Variants in NEBL observed in about 807,000 individuals in gnomAD.
The protein encoded by NEBL is nebulette.
In NEBL, 122 loss-of-function variants were observed where a neutral mutation model predicts 140.2. That is an observed-to-expected ratio of 0.87 (90% CI 0.75 to 1.01). NEBL has a LOEUF of 1.01. Ranked by LOEUF, NEBL falls within the 50% of genes least tolerant of loss-of-function variation. NEBL has a pLI of 0.00. For synonymous variants in NEBL, 436 were observed against 398.9 expected, an observed-to-expected ratio of 1.09 and a Z score of -1.11; for missense variants, 1,365 against 1,231.3, an observed-to-expected ratio of 1.11 and a Z score of -1.62.
intron 4 of NEBL, among the ~76,000 whole-genome samples, chr10:20,959,167 A>G (rs1835939077): frequency 6.6e-6 from 1 of 152,190 alleles, no homozygotes; most frequent in African/African-American, 2.4e-5. Flanking sequence ...AATGAAACAC[A>G]GGGAAACATA....
At chr10:20,803,812 A>ATATAT (rs1564338203) in intron 26 of NEBL, among the ~76,000 whole-genome samples, 18 of 143,582 alleles carry the variant, frequency 1.3e-4, no homozygotes, top group African/African-American at 4.5e-4. Context: ...CTGTACGAAA[A>ATATAT]ATATATATAT....
intron 4 of NEBL, among the ~76,000 whole-genome samples, chr10:20,924,142 G>T (rs1205439713): frequency 6.6e-6 from 1 of 152,028 alleles, no homozygotes; most frequent in African/African-American, 2.4e-5. Flanking sequence ...GCTCCCAGGA[G>T]ACATTCAGCA....
chr10:20,819,941 T>G lies in NEBL; in HGVS notation c.1963-425A>C, dbSNP rs74229939. Among the ~76,000 whole-genome samples the G allele has an allele frequency of 3.5e-4, 54 of 152,256 alleles. No homozygotes were observed. In the East Asian group the frequency reaches 0.01, roughly 28 times the overall value. ...TTTGTTGTTTTCCTTCAGATTATAT[T>G]ATTTATTGGTGGCCTCTCTGAGTTT... On this transcript the variant is annotated intron_variant, in intron 19 of 27. Coordinates refer to ENST00000377122, the MANE Select transcript of NEBL (RefSeq NM_006393.3).
chr10:20,960,885 C>T (rs1417768958), intron 4 of NEBL, among the ~76,000 whole-genome samples: 1 of 152,028 alleles, frequency 6.6e-6, no homozygotes, highest in Admixed American at 6.6e-5. Context: ...ATACAGTTCT[C>T]GTGAAAAATG....
At chr10:21,174,142 C>T (rs897292665) in exon 1 of NEBL, 4 of 621,714 alleles carry the variant, frequency 6.4e-6, no homozygotes, top group African/African-American at 2.0e-5. Flanking sequence ...CGCGCCCGCC[C>T]CTCGCGCTCA....
chr10:20,828,783 G>C (rs546081497), intron 16 of NEBL, 149 bp from the exon 17 acceptor site: 1 of 620,774 alleles, frequency 1.6e-6, no homozygotes, highest in African/African-American at 1.8e-5. Flanking sequence ...GAGAGAGAGA[G>C]GTGGAGAGAC....
At chr10:20,885,343 T>C (rs10764288) in intron 4 of NEBL, among the ~76,000 whole-genome samples, 91,094 of 152,108 alleles carry the variant, frequency 0.6, 27,679 homozygotes, top group Non-Finnish European at 0.64. Context: ...GACAGTTACA[T>C]AAATCTTTGA....
At chr10:21,109,276 G>C (rs1225441823) in intron 2 of NEBL, among the ~76,000 whole-genome samples, 2 of 152,118 alleles carry the variant, frequency 1.3e-5, no homozygotes, top group African/African-American at 2.4e-5. Flanking sequence ...TTTGTCATTG[G>C]TTCTGTTTAT....
chr10:21,074,225 G>C (rs1185288435), intron 2 of NEBL, among the ~76,000 whole-genome samples: 1 of 152,146 alleles, frequency 6.6e-6, no homozygotes, highest in Non-Finnish European at 1.5e-5. Flanking sequence ...ATGTGCCTCA[G>C]CATGAACTTC....
chr10:21,291,584 G>A (rs531840092), intron 1 of NEBL, among the ~76,000 whole-genome samples: 12 of 151,606 alleles, frequency 7.9e-5, no homozygotes, highest in African/African-American at 2.4e-4. Flanking sequence ...CACTGGGCTT[G>A]ACACCAAAAT....
At chr10:21,026,507 C>T (rs1215645472) in intron 2 of NEBL, among the ~76,000 whole-genome samples, 1 of 152,202 alleles carries the variant, frequency 6.6e-6, no homozygotes, top group African/African-American at 2.4e-5. Context: ...AATCAAACAG[C>T]CACCATGGCC....
At chr10:21,025,212 C>T (rs544673207) in intron 2 of NEBL, among the ~76,000 whole-genome samples, 2 of 151,352 alleles carry the variant, frequency 1.3e-5, no homozygotes, top group South Asian at 4.2e-4. Context: ...GAAAACAAAA[C>T]ATAATTGTGG....
intron 3 of NEBL, among the ~76,000 whole-genome samples, chr10:21,202,082 T>C (rs1198071009): frequency 6.6e-6 from 1 of 152,134 alleles, no homozygotes; most frequent in Non-Finnish European, 1.5e-5. Flanking sequence ...CACCAGGTAA[T>C]CCACAATGCT....
intron 9 of NEBL, among the ~76,000 whole-genome samples, chr10:20,856,917 C>T (rs976736094): frequency 2.0e-5 from 3 of 152,102 alleles, no homozygotes; most frequent in Non-Finnish European, 4.4e-5. Context: ...TCACAGCAAC[C>T]TCCCAAGTTT....
Position 21,215,946 on chromosome 10 carries a change from T to C in NEBL, n.348+31975A>G, listed in dbSNP as rs180868230. Among the ~76,000 whole-genome samples, 11 of 152,288 alleles carry C rather than the reference T, an allele frequency of 7.2e-5. 1 individual carries two copies. The highest frequency in any genetic ancestry group is 7.2e-4 in the Admixed American group (11 of 15,292). ...TCAGCCTCCCAAAGTGCTGGAATTA[T>C]AGGCGTGAGCCACCGCACCTGCCCT... On this transcript the variant is annotated intron_variant and non_coding_transcript_variant, in intron 3 of 8. Transcript: ENST00000675702.
intron 4 of NEBL, among the ~76,000 whole-genome samples, chr10:20,884,558 T>C (rs1435432123): frequency 6.6e-6 from 1 of 152,270 alleles, no homozygotes; most frequent in Non-Finnish European, 1.5e-5. Context: ...TTCTACTTGA[T>C]GGTTATTTAT....
chr10:20,847,488 A>G (rs1842057713), intron 11 of NEBL, among the ~76,000 whole-genome samples: 1 of 152,222 alleles, frequency 6.6e-6, no homozygotes, highest in South Asian at 2.1e-4. Flanking sequence ...ATCATGAATT[A>G]TAAGTTTCTG....
At chr10:21,009,604 A>G (rs1838259089) in intron 3 of NEBL, among the ~76,000 whole-genome samples, 1 of 152,208 alleles carries the variant, frequency 6.6e-6, no homozygotes, top group African/African-American at 2.4e-5. Flanking sequence ...GAAAAACTCC[A>G]TTTTACAAAG....
intron 3 of NEBL, among the ~76,000 whole-genome samples, chr10:21,182,853 A>G (rs1414752762): frequency 6.6e-6 from 1 of 152,246 alleles, no homozygotes; most frequent in Non-Finnish European, 1.5e-5. Flanking sequence ...TTTAAAAGTT[A>G]ATGAGATCAT....
Sources: gnomAD v4.1 joint callset for allele counts (sites outside exome capture counted in the v4.1 genomes callset) on GRCh38, gnomAD v4.1.1 for gene constraint, MANE v1.5 for transcripts, NCBI Gene and HGNC (gene_info 2026-07-23, HGNC 2026-07-21) for gene names.